The following CD300LF variants were observed in gnomAD, a reference collection of about 807,000 sequenced individuals.
CD300LF encodes CMRF35-like molecule 1.
CD300LF carries 27 observed loss-of-function variants against 32.2 expected under a neutral mutation model. That is an observed-to-expected ratio of 0.84 (90% CI 0.62 to 1.15). The LOEUF (loss-of-function observed/expected upper bound fraction) is 1.15, where lower values mean the gene tolerates loss of function less well. CD300LF is among the 50% of genes most tolerant of loss of function. The pLI is 0.00. For synonymous variants in CD300LF, 139 were observed against 143.2 expected (o/e 0.97, Z 0.21); for missense variants, 348 against 356.8 (o/e 0.98, Z 0.20).
intron 1 of CD300LF, among the ~76,000 whole-genome samples, chr17:74,708,808 C>CA (rs1555587732): frequency 2.7e-5 from 4 of 147,830 alleles, no homozygotes; most frequent in South Asian, 2.2e-4. Context: ...CCCAGCTACT[C>CA]GGAGGCTGAG....
At chr17:74,695,663 G>C (rs2032379454) in intron 6 of CD300LF, 62 bp downstream of exon 6, 7 of 1,610,708 alleles carry the variant, frequency 4.3e-6, no homozygotes, top group African/African-American at 1.3e-5. Context: ...CTCCAACGGG[G>C]TGCAACGGCA....
intron 6 of CD300LF, 130 bp from the exon 7 acceptor site, chr17:74,695,381 T>A (rs1598199276): frequency 8.9e-7 from 1 of 1,119,078 alleles, no homozygotes; most frequent in East Asian, 2.5e-5. Context: ...GCCCTCCAGC[T>A]TCCCCCTTCA....
chr17:74,704,713 GT>G lies in CD300LF; in HGVS notation c.146del (p.Tyr49SerfsTer2). The part of the protein sequence containing the change: ...QCVYRSGWET[Y>X]LKWWCRGAIW... ...TAGCTCCTCGACACCACCACTTCAA[GT>G]AGGTCTCCCAGCCTGATCTGTAAAC... is the stretch of plus-strand genomic sequence containing the variant. On this transcript the variant is annotated frameshift_variant, in exon 2 of 7. Transcript: ENST00000326165. LOFTEE classifies it high-confidence loss of function. 6.2e-7 allele frequency: 1 copy of G among 1,614,204 alleles called. No homozygotes were observed. Among genetic ancestry groups the G allele is most frequent in the Non-Finnish European group, 8.5e-7 (1 of 1,180,044 alleles).
intron 1 of CD300LF, among the ~76,000 whole-genome samples, chr17:74,710,031 T>G (rs909026753): frequency 2.0e-5 from 3 of 152,202 alleles, no homozygotes; most frequent in Non-Finnish European, 4.4e-5. Flanking sequence ...CAGGCTGGAG[T>G]GCAGTGGCTC....
intron 1 of CD300LF, among the ~76,000 whole-genome samples, chr17:74,708,083 A>C (rs555700698): frequency 6.6e-6 from 1 of 150,836 alleles, no homozygotes; most frequent in Non-Finnish European, 1.5e-5. Context: ...AGGAGGTGGA[A>C]GTTTCAGTGA....
At chr17:74,710,574 T>C (rs2033873100) in intron 1 of CD300LF, among the ~76,000 whole-genome samples, 1 of 151,810 alleles carries the variant, frequency 6.6e-6, no homozygotes, top group Non-Finnish European at 1.5e-5. Flanking sequence ...AAAAGCACAG[T>C]GAGGCTGGGC....
In CD300LF at chr17:74,695,725, C is replaced by T. The variant is rs2032391255; in HGVS notation, c.717G>A (p.Met239Ile). 1.2e-6 allele frequency: 2 copies of T among 1,614,000 alleles called. No individual in the cohort carries two copies. Among genetic ancestry groups the T allele is most frequent in the South Asian group, 1.1e-5 (1 of 91,090 alleles). The part of the protein sequence containing the change: ...VDQVEVEYVT[M>I]ASLPKEDISY... The stretch of plus-strand genomic sequence containing the variant: ...ACAGCAGCCCCCATGGAGGACGCAC[C>T]ATGGTGACATATTCCACTTCCACCT... The change falls in exon 6 of 7, where the codon ATG (methionine) becomes ATA (isoleucine). Residue 239 changes from methionine (M) to isoleucine (I), a missense_variant and splice_region_variant. By Grantham distance (10) the Met-to-Ile change is conservative. Transcript: ENST00000326165.
At chr17:74,703,737 G>A (rs1598249663) in intron 2 of CD300LF, among the ~76,000 whole-genome samples, 1 of 152,228 alleles carries the variant, frequency 6.6e-6, no homozygotes, top group Non-Finnish European at 1.5e-5. Flanking sequence ...CCCAAGGACT[G>A]TGGTGCTCCT....
intron 1 of CD300LF, among the ~76,000 whole-genome samples, chr17:74,710,634 G>A (rs2033879778): frequency 6.6e-6 from 1 of 151,900 alleles, no homozygotes; most frequent in Non-Finnish European, 1.5e-5. Context: ...CAAGGCGGGT[G>A]GATCACTTGA....
chr17:74,695,387 C>A, intron 6 of CD300LF, 136 bp from the exon 7 acceptor site: 1 of 1,053,902 alleles, frequency 9.5e-7, no homozygotes, highest in Non-Finnish European at 1.4e-6. Flanking sequence ...CAGCTTCCCC[C>A]TTCACTCTGC....
In CD300LF at chr17:74,694,879, C is replaced by T; in HGVS notation, c.*217G>A. On this transcript the variant is annotated 3_prime_UTR_variant, in exon 7 of 7. Coordinates refer to ENST00000326165, the MANE Select transcript of CD300LF (RefSeq NM_139018.5). ...AGCATATCCCTAGCCCCCTCCTCAA[C>T]TATGTAGGAGAGGAGGGGACGTTTA... 2.1e-6 allele frequency: 1 copy of T among 472,008 alleles called. No individual in the cohort carries two copies. Among genetic ancestry groups the T allele is most frequent in the East Asian group, 3.3e-5 (1 of 30,422 alleles). The allele number at this position is 472,008 out of a possible 1,614,324, so 29.2% of individuals were successfully genotyped here. A position where few individuals can be genotyped will look rare whatever the true frequency, so the allele number is the denominator to read the frequency against.
intron 1 of CD300LF, among the ~76,000 whole-genome samples, chr17:74,707,142 A>T (rs1042712370): frequency 6.6e-6 from 1 of 152,232 alleles, no homozygotes; most frequent in African/African-American, 2.4e-5. Flanking sequence ...AATGGGACTC[A>T]CAAAACCAAA....
At chr17:74,706,489 G>A (rs2033529500) in intron 1 of CD300LF, among the ~76,000 whole-genome samples, 1 of 151,820 alleles carries the variant, frequency 6.6e-6, no homozygotes, top group African/African-American at 2.4e-5. Flanking sequence ...CCAACATGGA[G>A]AAACGCCATC....
intron 2 of CD300LF, 33 bp downstream of exon 2, chr17:74,704,445 G>A: frequency 6.8e-7 from 1 of 1,470,430 alleles, no homozygotes; most frequent in South Asian, 1.2e-5. Context: ...AGCAGGCCCT[G>A]AGAGACACAC....
At chr17:74,695,527 T>C (rs968413705) in intron 6 of CD300LF, among the ~76,000 whole-genome samples, 198 bp downstream of exon 6, 1 of 152,174 alleles carries the variant, frequency 6.6e-6, no homozygotes, top group African/African-American at 2.4e-5. Context: ...GGGACTGTGT[T>C]TGCCAGTCCC....
chr17:74,698,361 C>A lies in CD300LF; in HGVS notation c.559+8G>T, dbSNP rs530153186. 3 of 1,599,828 alleles carry A rather than the reference C, an allele frequency of 1.9e-6. No homozygotes were observed. The African/African-American group carries it at 4.0e-5, about 21-fold the overall frequency. Reference sequence around the variant, plus strand: ...AGTCTCAGCCCAGCCTCACCCAGGTCCTCTCACCTTTCTGCTGGTACTTCA... The same window carrying A: ...AGTCTCAGCCCAGCCTCACCCAGGTACTCTCACCTTTCTGCTGGTACTTCA... On this transcript the variant is annotated splice_region_variant and intron_variant, in intron 4 of 6. Transcript: ENST00000326165.
Position 74,695,865 on chromosome 17 carries a change from A to C in CD300LF, c.583-6T>G. 6.2e-7 allele frequency: 1 copy of C among 1,611,700 alleles called. No homozygotes were observed. The highest frequency in any genetic ancestry group is 1.1e-5 in the South Asian group (1 of 90,832). On this transcript the variant is annotated splice_polypyrimidine_tract_variant and splice_region_variant and intron_variant, in intron 5 of 6. Coordinates refer to ENST00000326165, the MANE Select transcript of CD300LF (RefSeq NM_139018.5). ...CCCTCCAGGGGCTGCAGTACCTGGG[A>C]CAGGGAACACAGGCTGGGGAGTCAC...
intron 3 of CD300LF, chr17:74,698,709 A>T: frequency 9.1e-7 from 1 of 1,099,086 alleles, no homozygotes; most frequent in Non-Finnish European, 1.2e-6. Context: ...CTACTTGAGG[A>T]TGGAGGGTGG....
intron 1 of CD300LF, 140 bp from the exon 2 acceptor site, chr17:74,704,956 AC>A (rs1253244929): frequency 4.3e-6 from 3 of 695,814 alleles, no homozygotes; most frequent in Non-Finnish European, 7.2e-6. Context: ...CGCAGACAAA[AC>A]TTTTGTCCTT....
Sources: allele counts gnomAD v4.1 joint callset (sites outside exome capture counted in the v4.1 genomes callset), GRCh38; gene constraint gnomAD v4.1.1; transcripts MANE v1.5; gene names NCBI Gene and HGNC (gene_info 2026-07-23, HGNC 2026-07-21).